The following DNAJC1 variants were observed in gnomAD, a reference collection of about 807,000 sequenced individuals.
DNAJC1 encodes dnaJ homolog subfamily C member 1.
A neutral mutation model predicts 76.6 loss-of-function variants in DNAJC1; 58 were observed. That is an observed-to-expected ratio of 0.76 (90% CI 0.61 to 0.94). The LOEUF is 0.94. Among genes scored for constraint, DNAJC1 ranks in the 40% least tolerant of loss-of-function variants. DNAJC1 has a pLI of 0.00. For synonymous variants in DNAJC1, 258 were observed against 267.9 expected (o/e 0.96, Z 0.36); for missense variants, 689 against 677.3 (o/e 1.02, Z -0.19).
intron 11 of DNAJC1, among the ~76,000 whole-genome samples, chr10:21,757,968 G>A (rs928451013): frequency 1.3e-5 from 2 of 152,232 alleles, no homozygotes; most frequent in African/African-American, 4.8e-5. Flanking sequence ...CATCACACAT[G>A]AAGACGTCTG....
rs150527967 is a variant in DNAJC1 at position 21,994,274 on chromosome 10, A to C, written c.222+8939T>G. ...GCTTTGAAGGCAATTCAAAACAAGAAGCTTCAGTGATGTTTTAAGAGACAG... is the reference window on the plus strand; with the variant it reads ...GCTTTGAAGGCAATTCAAAACAAGACGCTTCAGTGATGTTTTAAGAGACAG... On this transcript the variant is annotated intron_variant, in intron 1 of 11. Transcript: ENST00000376980. 2.7e-3 allele frequency among the ~76,000 whole-genome samples: 410 copies of C among 152,336 alleles called. 1 individual carries two copies. Among genetic ancestry groups the C allele is most frequent in the African/African-American group, 9.4e-3 (389 of 41,574 alleles).
In DNAJC1 at chr10:21,879,462, A is replaced by G. The variant is rs910128933; in HGVS notation, c.978+2820T>C. ...AACACGGTGAAACCCCATCTCTACC[A>G]AAAGTACAAAAATCAGCAGGGCGTG... On this transcript the variant is annotated intron_variant, in intron 8 of 11. Coordinates refer to ENST00000376980, the MANE Select transcript of DNAJC1 (RefSeq NM_022365.4). Among the ~76,000 whole-genome samples the G allele has an allele frequency of 3.9e-5, 6 of 152,178 alleles. No homozygotes were observed. The East Asian group carries it at 1.2e-3, about 29-fold the overall frequency.
chr10:21,774,781 C>T (rs1205079253), intron 9 of DNAJC1, among the ~76,000 whole-genome samples: 2 of 152,168 alleles, frequency 1.3e-5, no homozygotes, highest in African/African-American at 2.4e-5. Flanking sequence ...CCGGCCTAAA[C>T]ATATTAATAT....
intron 8 of DNAJC1, chr10:21,866,053 T>C (rs1835993546): frequency 6.7e-6 from 1 of 149,982 alleles, no homozygotes; most frequent in African/African-American, 2.5e-5. Context: ...GAGAACTGCT[T>C]GAACCTGGGA....
intron 9 of DNAJC1, chr10:21,785,589 A>T (rs1299409341): frequency 6.6e-6 from 1 of 152,218 alleles, no homozygotes; most frequent in East Asian, 1.9e-4. Flanking sequence ...AATTCCTTTG[A>T]AAAATAAAAC....
chr10:21,775,003 A>G (rs1834435127), intron 9 of DNAJC1, among the ~76,000 whole-genome samples: 1 of 152,218 alleles, frequency 6.6e-6, no homozygotes, highest in Non-Finnish European at 1.5e-5. Flanking sequence ...GTTTGAGAAT[A>G]GTTAAGAGTC....
chr10:21,947,705 AT>A (rs1837529389), intron 1 of DNAJC1, among the ~76,000 whole-genome samples: 1 of 152,124 alleles, frequency 6.6e-6, no homozygotes, highest in Admixed American at 6.6e-5. Flanking sequence ...GTCTGTTATA[AT>A]TTGATACTGC....
In DNAJC1 at chr10:22,003,436, G is replaced by C. The variant is rs1838561211; in HGVS notation, c.-2C>G. On this transcript the variant is annotated 5_prime_UTR_variant, in exon 1 of 12. Transcript: ENST00000376980. ...CGGCTGGGAGCAAGGAGCCGTCATC[G>C]CGCTGGGCTCGGAAAGGTCACCCGC... The C allele has an allele frequency of 7.3e-7, 1 of 1,364,708 alleles. No homozygotes were observed. Among genetic ancestry groups the C allele is most frequent in the African/African-American group, 1.5e-5 (1 of 65,218 alleles). 84.5% of individuals were successfully genotyped at this position (1,364,708 alleles called of 1,614,324 possible).
At chr10:21,813,231 T>TATATATATATACAC (rs1340887904) in intron 8 of DNAJC1, among the ~76,000 whole-genome samples, 2 of 131,858 alleles carry the variant, frequency 1.5e-5, no homozygotes, top group African/African-American at 3.1e-5. Context: ...TATATATATA[T>TATATATATATACAC]ATATATATAT....
intron 10 of DNAJC1, among the ~76,000 whole-genome samples, chr10:21,765,482 C>T (rs1834289617): frequency 6.6e-6 from 1 of 152,130 alleles, no homozygotes; most frequent in African/African-American, 2.4e-5. Flanking sequence ...GTTCTTATTT[C>T]CTGGTTCTAA....
At chr10:21,953,151 T>C (rs1370370637) in intron 1 of DNAJC1, among the ~76,000 whole-genome samples, 1 of 152,130 alleles carries the variant, frequency 6.6e-6, no homozygotes, top group Admixed American at 6.6e-5. Flanking sequence ...TTATTTTACA[T>C]TAAAATTCCT....
chr10:21,834,640 A>G (rs1343615838), intron 8 of DNAJC1, among the ~76,000 whole-genome samples: 1 of 152,146 alleles, frequency 6.6e-6, no homozygotes, highest in African/African-American at 2.4e-5. Flanking sequence ...CACTTTTCCA[A>G]CGGACTTAAA....
chr10:21,773,109 A>C (rs770681666), intron 9 of DNAJC1, among the ~76,000 whole-genome samples: 3 of 152,078 alleles, frequency 2.0e-5, no homozygotes, highest in African/African-American at 4.8e-5. Flanking sequence ...TTTAATATAG[A>C]ATTGGTGGAG....
intron 3 of DNAJC1, among the ~76,000 whole-genome samples, chr10:21,925,357 G>A (rs967605767): frequency 3.1e-4 from 47 of 152,280 alleles, no homozygotes; most frequent in African/African-American, 1.1e-3. Flanking sequence ...CCATTATGCA[G>A]TACATGACTG....
At chr10:21,813,244 A>ATATATATATATATATATATATATG (rs1429581567) in intron 8 of DNAJC1, among the ~76,000 whole-genome samples, 3 of 122,950 alleles carry the variant, frequency 2.4e-5, no homozygotes, top group South Asian at 2.5e-4. Context: ...ATATATATAT[A>ATATATATATATATATATATATATG]CACATACAGC....
intron 8 of DNAJC1, among the ~76,000 whole-genome samples, chr10:21,867,077 G>A (rs1836013065): frequency 1.3e-5 from 2 of 152,008 alleles, no homozygotes; most frequent in South Asian, 4.1e-4. Context: ...CTAAATATCA[G>A]TATAGTAATT....
chr10:21,840,600 AGAG>A (rs1294865545), intron 8 of DNAJC1, among the ~76,000 whole-genome samples: 15 of 152,242 alleles, frequency 9.9e-5, no homozygotes, highest in African/African-American at 3.4e-4. Flanking sequence ...ACGAAATAAA[AGAG>A]GATACAAACA....
intron 1 of DNAJC1, among the ~76,000 whole-genome samples, chr10:21,976,617 A>G (rs150928493): frequency 1.3e-5 from 2 of 152,334 alleles, no homozygotes; most frequent in African/African-American, 2.4e-5. Flanking sequence ...GTTAAAAGGA[A>G]TATGTACATA....
intron 1 of DNAJC1, among the ~76,000 whole-genome samples, chr10:21,979,756 C>T (rs527610875): frequency 1.3e-5 from 2 of 151,238 alleles, no homozygotes; most frequent in South Asian, 2.1e-4. Context: ...CAAGTCAATC[C>T]GGCTAAGGTA....
Sources: allele counts gnomAD v4.1 joint callset (sites outside exome capture counted in the v4.1 genomes callset), GRCh38; gene constraint gnomAD v4.1.1; transcripts MANE v1.5; gene names NCBI Gene and HGNC (gene_info 2026-07-23, HGNC 2026-07-21).